Variants in TNNI3K observed in about 807,000 individuals in gnomAD.
The protein encoded by TNNI3K is TNNI3 interacting kinase, also known as serine/threonine-protein kinase TNNI3K.
Under a neutral mutation model 114.5 loss-of-function variants are expected in TNNI3K, and 140 were observed. The observed-to-expected ratio is 1.22, with a 90% CI of 1.07 to 1.41. The LOEUF (loss-of-function observed/expected upper bound fraction) is 1.41, where lower values mean the gene tolerates loss of function less well. TNNI3K is among the 40% of genes most tolerant of loss of function. The pLI, the probability that TNNI3K is intolerant of heterozygous loss-of-function variation, is 0.00. For synonymous variants in TNNI3K, 347 were observed against 347.5 expected, an observed-to-expected ratio of 1.00 and a Z score of 0.02; for missense variants, 1,125 against 1,007.6, an observed-to-expected ratio of 1.12 and a Z score of -1.58.
At chr1:74,337,650 C>T (rs1418086545) in intron 7 of TNNI3K, among the ~76,000 whole-genome samples, 1 of 152,016 alleles carries the variant, frequency 6.6e-6, no homozygotes, top group African/African-American at 2.4e-5. Context: ...GAAAACCACC[C>T]AGATCAAGAT....
At chr1:74,373,214 A>T (rs1161092884) in intron 17 of TNNI3K, 4 of 151,944 alleles carry the variant, frequency 2.6e-5, no homozygotes, top group Non-Finnish European at 5.9e-5. Context: ...ATTAAGGGTC[A>T]AAATGATGAA....
At chr1:74,531,539 C>G (rs1646583587) in intron 23 of TNNI3K, among the ~76,000 whole-genome samples, 1 of 152,152 alleles carries the variant, frequency 6.6e-6, no homozygotes, top group Non-Finnish European at 1.5e-5. Context: ...TCTGACAGAT[C>G]TGTTTTAAAT....
intron 5 of TNNI3K, among the ~76,000 whole-genome samples, chr1:74,313,282 C>T (rs1047552510): frequency 6.6e-5 from 10 of 152,146 alleles, no homozygotes; most frequent in Non-Finnish European, 1.2e-4. Context: ...ACCACGTTGA[C>T]ATCACATATT....
At chr1:74,316,846 C>T (rs970568241) in intron 5 of TNNI3K, among the ~76,000 whole-genome samples, 1 of 121,028 alleles carries the variant, frequency 8.3e-6, no homozygotes, top group Non-Finnish European at 1.7e-5. Context: ...CCTGCCACCA[C>T]GCCCAGCTAA....
At chr1:74,476,824 T>C (rs1365690511) in intron 21 of TNNI3K, among the ~76,000 whole-genome samples, 1 of 152,164 alleles carries the variant, frequency 6.6e-6, no homozygotes, top group Non-Finnish European at 1.5e-5. Flanking sequence ...ACAATATTAA[T>C]GAAAACATAT....
intron 17 of TNNI3K, among the ~76,000 whole-genome samples, chr1:74,389,841 G>A (rs2100565617): frequency 6.6e-6 from 1 of 152,298 alleles, no homozygotes; most frequent in Admixed American, 6.5e-5. Context: ...TTCATGTAGA[G>A]AGTTCAATTA....
chr1:74,465,010 T>G (rs748377731), intron 21 of TNNI3K: 19 of 1,146,924 alleles, frequency 1.7e-5, no homozygotes, highest in Non-Finnish European at 1.9e-5. Context: ...ATAAAATAGT[T>G]TAGGAAAACA....
rs193083228 is a variant in TNNI3K, at chr1:74,494,538, C to G, written c.2351+2272C>G. 3.1e-3 allele frequency among the ~76,000 whole-genome samples: 474 copies of G among 152,296 alleles called. 1 individual carries two copies. The highest frequency in any genetic ancestry group is 0.011 in the African/African-American group (458 of 41,548). On this transcript the variant is annotated intron_variant, in intron 23 of 24. Transcript: ENST00000326637. ...ACTACATTAGATTTGGTCACATCAT[C>G]ATCTTCCAGTTCTATCTTCTGTTCT...
intron 19 of TNNI3K, among the ~76,000 whole-genome samples, chr1:74,438,053 TAATA>T (rs1228616837): frequency 6.6e-6 from 1 of 151,724 alleles, no homozygotes; most frequent in Non-Finnish European, 1.5e-5. Context: ...AAATTAGTGC[TAATA>T]AATAAATTAG....
chr1:74,476,445 A>G (rs1015438869), intron 21 of TNNI3K, among the ~76,000 whole-genome samples: 2 of 152,102 alleles, frequency 1.3e-5, no homozygotes, highest in Non-Finnish European at 1.5e-5. Flanking sequence ...ATTCATTCAT[A>G]TGCTTGTTCG....
intron 17 of TNNI3K, among the ~76,000 whole-genome samples, chr1:74,380,390 C>G (rs1663139082): frequency 6.6e-6 from 1 of 152,156 alleles, no homozygotes; most frequent in Non-Finnish European, 1.5e-5. Flanking sequence ...GTGGTTCACT[C>G]TGCAGCCTCT....
chr1:74,443,742 T>C lies in TNNI3K; in HGVS notation c.2011+4120T>C, dbSNP rs540855131. ...TTCAGACCAATATCCCTCATGAATATTGATGCAAAAATTCTCAATAAAATA... is the reference window on the plus strand; with the variant it reads ...TTCAGACCAATATCCCTCATGAATACTGATGCAAAAATTCTCAATAAAATA... On this transcript the variant is annotated intron_variant, in intron 20 of 24. Coordinates refer to ENST00000326637, the MANE Select transcript of TNNI3K (RefSeq NM_015978.3). 1.3e-3 allele frequency among the ~76,000 whole-genome samples: 202 copies of C among 152,252 alleles called. 1 individual carries two copies. Among genetic ancestry groups the C allele is most frequent in the African/African-American group, 4.7e-3 (196 of 41,554 alleles).
chr1:74,253,489 G>A (rs776720338), intron 4 of TNNI3K, among the ~76,000 whole-genome samples: 2 of 152,134 alleles, frequency 1.3e-5, no homozygotes, highest in Admixed American at 6.5e-5. Flanking sequence ...CCTGCCGCAC[G>A]GGGAGGCAGC....
chr1:74,425,476 C>T (rs931516830), intron 17 of TNNI3K, among the ~76,000 whole-genome samples: 16 of 152,156 alleles, frequency 1.1e-4, no homozygotes, highest in African/African-American at 3.9e-4. Context: ...TGATAACTAA[C>T]GAATTCAATT....
intron 23 of TNNI3K, among the ~76,000 whole-genome samples, chr1:74,519,770 A>C (rs115134957): frequency 0.014 from 2,088 of 152,232 alleles, 42 homozygotes; most frequent in African/African-American, 0.045. Context: ...TATAATGAAG[A>C]TATGTTATAG....
intron 17 of TNNI3K, among the ~76,000 whole-genome samples, chr1:74,382,660 A>T (rs1473565725): frequency 6.6e-6 from 1 of 152,176 alleles, no homozygotes; most frequent in Non-Finnish European, 1.5e-5. Context: ...TTAATCCTGG[A>T]TGGATGGTCT....
At chr1:74,457,297 G>A (rs992559086) in intron 20 of TNNI3K, among the ~76,000 whole-genome samples, 1 of 152,148 alleles carries the variant, frequency 6.6e-6, no homozygotes. Flanking sequence ...CACTGACAAA[G>A]ATTGCAATGA....
intron 23 of TNNI3K, among the ~76,000 whole-genome samples, chr1:74,522,651 T>TGA (rs796275629): frequency 6.6e-6 from 1 of 151,662 alleles, no homozygotes. Flanking sequence ...TGTGTGTGTG[T>TGA]GAGAGAGAGA....
At chr1:74,441,399 T>C (rs944026772) in intron 20 of TNNI3K, among the ~76,000 whole-genome samples, 5 of 152,194 alleles carry the variant, frequency 3.3e-5, no homozygotes, top group African/African-American at 1.2e-4. Flanking sequence ...ATTATAGATG[T>C]GCCATGATTT....
Sources: gnomAD v4.1 joint callset for allele counts (sites outside exome capture counted in the v4.1 genomes callset) on GRCh38, gnomAD v4.1.1 for gene constraint, MANE v1.5 for transcripts, NCBI Gene and HGNC (gene_info 2026-07-23, HGNC 2026-07-21) for gene names.